Variants in GNA14 observed in about 807,000 individuals in gnomAD.
GNA14 encodes the protein G protein subunit alpha 14, also known as guanine nucleotide-binding protein subunit alpha-14.
In GNA14, 50 loss-of-function variants were observed where a neutral mutation model predicts 42.0. The observed-to-expected ratio is 1.19, with a 90% CI of 0.95 to 1.51. GNA14 has a LOEUF of 1.51. GNA14 is among the 40% of genes most tolerant of loss of function. GNA14 has a pLI of 0.00. For missense variants in GNA14, 473 were observed against 446.2 expected, an observed-to-expected ratio of 1.06 and a Z score of -0.54; for synonymous variants, 173 against 163.1, an observed-to-expected ratio of 1.06 and a Z score of -0.46.
At position 77,434,396 on chromosome 9, in the gene GNA14, C is replaced by T. The variant is rs1409475654; in HGVS notation, c.436G>A (p.Glu146Lys). The change falls in exon 3 of 7, where the codon GAG becomes AAG. Residue 146 changes from glutamate (E) to lysine (K), a missense_variant. Transcript: ENST00000341700. ...TTGGCAGAGTCCGACAGCTGGTACT[C>T]CCTCCTCCTGTCGTAACACTCCTGG... ...GIQECYDRRR[E>K]YQLSDSAKYY... The T allele has an allele frequency of 6.2e-7, 1 of 1,613,940 alleles. No homozygotes were observed. Among genetic ancestry groups the T allele is most frequent in the Non-Finnish European group, 8.5e-7 (1 of 1,179,980 alleles).
chr9:77,556,550 G>A (rs62573414), intron 1 of GNA14, among the ~76,000 whole-genome samples: 1,574 of 152,164 alleles, frequency 0.01, 16 homozygotes, highest in South Asian at 0.032. Flanking sequence ...ATCACAATAC[G>A]TCTCCATGTT....
intron 2 of GNA14, among the ~76,000 whole-genome samples, chr9:77,511,538 G>C (rs1041496160): frequency 6.6e-6 from 1 of 152,092 alleles, no homozygotes; most frequent in Non-Finnish European, 1.5e-5. Flanking sequence ...TGTGTTTTTC[G>C]CATCTGAATG....
chr9:77,525,446 A>T (rs1837418124), intron 2 of GNA14, among the ~76,000 whole-genome samples: 1 of 152,202 alleles, frequency 6.6e-6, no homozygotes, highest in Non-Finnish European at 1.5e-5. Flanking sequence ...TGAGCCAGAC[A>T]TGGCAAGAGA....
chr9:77,550,648 T>C (rs1837776529), intron 1 of GNA14, among the ~76,000 whole-genome samples: 1 of 152,224 alleles, frequency 6.6e-6, no homozygotes, highest in Non-Finnish European at 1.5e-5. Flanking sequence ...TAATTAAAAG[T>C]ACATTTAAAC....
At chr9:77,593,234 C>T (rs990761595) in intron 1 of GNA14, among the ~76,000 whole-genome samples, 32 of 152,176 alleles carry the variant, frequency 2.1e-4, no homozygotes, top group African/African-American at 7.7e-4. Flanking sequence ...CTTAGAATCA[C>T]ACAAGAACCA....
At chr9:77,599,851 A>G (rs1217461590) in intron 1 of GNA14, among the ~76,000 whole-genome samples, 1 of 152,216 alleles carries the variant, frequency 6.6e-6, no homozygotes, top group Non-Finnish European at 1.5e-5. Context: ...GTGGCTAGTG[A>G]CAGGAATAAT....
At chr9:77,489,654 T>G (rs1175594197) in intron 2 of GNA14, among the ~76,000 whole-genome samples, 1 of 152,064 alleles carries the variant, frequency 6.6e-6, no homozygotes, top group Non-Finnish European at 1.5e-5. Flanking sequence ...TCTGGTGGGT[T>G]TGTGGTCTCG....
chr9:77,609,371 T>C (rs1823693629), intron 1 of GNA14, among the ~76,000 whole-genome samples: 2 of 152,198 alleles, frequency 1.3e-5, no homozygotes. Context: ...AAGTATTCTC[T>C]ACAAAGATGG....
chr9:77,563,431 T>C (rs1424967207), intron 1 of GNA14, among the ~76,000 whole-genome samples: 1 of 152,182 alleles, frequency 6.6e-6, no homozygotes, highest in African/African-American at 2.4e-5. Flanking sequence ...TGGCTGTAAG[T>C]CTTGCCAAAC....
At chr9:77,455,928 TTAA>T (rs1332389309) in intron 2 of GNA14, among the ~76,000 whole-genome samples, 1 of 152,234 alleles carries the variant, frequency 6.6e-6, no homozygotes, top group Non-Finnish European at 1.5e-5. Flanking sequence ...CTCTTTCATT[TTAA>T]TTCAAAAACT....
Position 77,431,024 on chromosome 9 carries a change from T to TGTGTGTGTGTGTGTGTG in GNA14, c.593+296_593+297insCACACACACACACACAC, listed in dbSNP as rs1554686110. Reference sequence around the variant, plus strand: ...ATTTGTGGGATACAGAAGTATACATTTGTGTGTGTGTGTGTGTGTGTGTGT... The same window carrying TGTGTGTGTGTGTGTGTG: ...ATTTGTGGGATACAGAAGTATACATTGTGTGTGTGTGTGTGTGTGTGTGTGTGTGTGTGTGTGTGTGT... On this transcript the variant is annotated intron_variant, in intron 4 of 6. Transcript: ENST00000341700. Among the ~76,000 whole-genome samples, 215 of 101,518 alleles carry TGTGTGTGTGTGTGTGTG rather than the reference T, an allele frequency of 2.1e-3. 1 individual carries two copies. The highest frequency in any genetic ancestry group is 6.4e-3 in the South Asian group (23 of 3,566). The allele number at this position is 101,518 out of a possible 152,430, so 66.6% of individuals were successfully genotyped here.
At chr9:77,460,096 G>A (rs72730875) in intron 2 of GNA14, among the ~76,000 whole-genome samples, 4,582 of 152,248 alleles carry the variant, frequency 0.03, 112 homozygotes, top group Non-Finnish European at 0.043. Flanking sequence ...GAGCTGAATC[G>A]TGTCTCCATC....
chr9:77,572,855 A>C (rs774236305), intron 1 of GNA14, among the ~76,000 whole-genome samples: 2 of 152,188 alleles, frequency 1.3e-5, no homozygotes, highest in African/African-American at 2.4e-5. Context: ...AGTTATAGCA[A>C]TAATTTACTA....
intron 2 of GNA14, among the ~76,000 whole-genome samples, chr9:77,509,373 C>T (rs1018717867): frequency 2.8e-4 from 43 of 152,176 alleles, no homozygotes; most frequent in African/African-American, 9.9e-4. Context: ...GGGTTGTTTA[C>T]ACCATTTGGC....
chr9:77,470,203 G>A (rs898479589), intron 2 of GNA14, among the ~76,000 whole-genome samples: 2 of 152,190 alleles, frequency 1.3e-5, no homozygotes, highest in African/African-American at 4.8e-5. Flanking sequence ...GGGGAGGACT[G>A]GGGTGGAGAG....
At chr9:77,585,842 T>C (rs1161719560) in intron 1 of GNA14, among the ~76,000 whole-genome samples, 1 of 152,230 alleles carries the variant, frequency 6.6e-6, no homozygotes, top group Admixed American at 6.5e-5. Context: ...GAATTCCCTC[T>C]TGGGCTGCGG....
At chr9:77,645,571 C>T (rs754960726) in intron 1 of GNA14, among the ~76,000 whole-genome samples, 1 of 152,156 alleles carries the variant, frequency 6.6e-6, no homozygotes, top group Non-Finnish European at 1.5e-5. Flanking sequence ...CAGACAGTGC[C>T]TCAAGGTGGT....
intron 1 of GNA14, among the ~76,000 whole-genome samples, chr9:77,602,385 G>A (rs1564063919): frequency 6.6e-6 from 1 of 152,202 alleles, no homozygotes. Flanking sequence ...TGACCGCATA[G>A]CAAATGCAAC....
intron 2 of GNA14, among the ~76,000 whole-genome samples, chr9:77,438,211 G>T (rs1010714587): frequency 1.3e-5 from 2 of 152,044 alleles, no homozygotes; most frequent in South Asian, 4.1e-4. Context: ...GCACCTGAGA[G>T]GACCAGAAGT....
Sources: allele counts gnomAD v4.1 joint callset (sites outside exome capture counted in the v4.1 genomes callset), GRCh38; gene constraint gnomAD v4.1.1; transcripts MANE v1.5; gene names NCBI Gene and HGNC (gene_info 2026-07-23, HGNC 2026-07-21).